Variants in MAGI2 observed in about 807,000 individuals in gnomAD.
The protein encoded by MAGI2 is membrane-associated guanylate kinase, WW and PDZ domain-containing protein 2.
In MAGI2, 35 loss-of-function variants were observed where a neutral mutation model predicts 133.3. That is an observed-to-expected ratio of 0.26 (90% CI 0.20 to 0.35). MAGI2 has a LOEUF of 0.35. MAGI2 is among the 10% of genes least tolerant of loss of function. The probability of loss-of-function intolerance (pLI) is 1.00; values close to 1 mark genes in which losing one functional copy is unlikely to be tolerated. For missense variants in MAGI2, 1,636 were observed against 1,863.4 expected, an observed-to-expected ratio of 0.88 and a Z score of 2.25; for synonymous variants, 729 against 710.6, an observed-to-expected ratio of 1.03 and a Z score of -0.41.
At chr7:79,327,571 G>A (rs530313602) in intron 1 of MAGI2, among the ~76,000 whole-genome samples, 6 of 152,242 alleles carry the variant, frequency 3.9e-5, no homozygotes, top group African/African-American at 1.4e-4. Context: ...GTTACATAAT[G>A]ATACAAAGGC....
intron 2 of MAGI2, among the ~76,000 whole-genome samples, chr7:78,655,124 C>CA (rs1563304252): frequency 6.6e-6 from 1 of 151,262 alleles, no homozygotes; most frequent in East Asian, 1.9e-4. Flanking sequence ...TCTGTGCCCA[C>CA]AAAAATTAAA....
At chr7:79,058,871 T>C (rs1479645574) in intron 1 of MAGI2, among the ~76,000 whole-genome samples, 2 of 152,102 alleles carry the variant, frequency 1.3e-5, no homozygotes, top group Non-Finnish European at 2.9e-5. Flanking sequence ...TTACTTTTCC[T>C]CTCTAATCTT....
intron 1 of MAGI2, among the ~76,000 whole-genome samples, chr7:79,231,970 C>T (rs887090502): frequency 3.9e-5 from 6 of 152,156 alleles, no homozygotes; most frequent in African/African-American, 1.2e-4. Flanking sequence ...TACGTCCCAT[C>T]GATACCTAAT....
intron 2 of MAGI2, among the ~76,000 whole-genome samples, chr7:78,817,824 C>T (rs1319269773): frequency 1.3e-5 from 2 of 151,896 alleles, no homozygotes; most frequent in African/African-American, 4.8e-5. Flanking sequence ...ATTCTCCTGC[C>T]TCAGCCTCCC....
chr7:78,418,435 A>G (rs907929342), intron 6 of MAGI2, among the ~76,000 whole-genome samples: 1 of 152,144 alleles, frequency 6.6e-6, no homozygotes, highest in African/African-American at 2.4e-5. Context: ...AAAGGAGAAC[A>G]GTGGTAAGGG....
At chr7:78,574,938 T>A (rs1028816824) in intron 3 of MAGI2, among the ~76,000 whole-genome samples, 5 of 152,202 alleles carry the variant, frequency 3.3e-5, no homozygotes, top group African/African-American at 1.2e-4. Flanking sequence ...AGACCATGCT[T>A]AAATTCCACT....
intron 2 of MAGI2, among the ~76,000 whole-genome samples, chr7:78,957,002 G>T (rs540808409): frequency 6.6e-6 from 1 of 151,968 alleles, no homozygotes; most frequent in Non-Finnish European, 1.5e-5. Context: ...GGTAGCTCAC[G>T]CCTGTAATCC....
chr7:79,137,551 CA>C (rs1821702878), intron 1 of MAGI2, among the ~76,000 whole-genome samples: 1 of 150,020 alleles, frequency 6.7e-6, no homozygotes. Flanking sequence ...CTCCCAGGTT[CA>C]AGTGATTCTC....
chr7:78,741,245 G>T (rs1436261757), intron 2 of MAGI2, among the ~76,000 whole-genome samples: 1 of 151,906 alleles, frequency 6.6e-6, no homozygotes, highest in African/African-American at 2.4e-5. Context: ...TTTCAAACAG[G>T]TTTAAATACT....
chr7:78,025,901 A>T (rs965166400), intron 21 of MAGI2, among the ~76,000 whole-genome samples: 1 of 152,206 alleles, frequency 6.6e-6, no homozygotes, highest in African/African-American at 2.4e-5. Flanking sequence ...ATGAGCTCTA[A>T]TGATGCAGTA....
chr7:78,694,702 T>G (rs1047279298), intron 2 of MAGI2, among the ~76,000 whole-genome samples: 3 of 152,144 alleles, frequency 2.0e-5, no homozygotes, highest in Non-Finnish European at 4.4e-5. Context: ...AATCCCAGAT[T>G]TGTCATTTAC....
chr7:78,340,718 T>A (rs1445716383), intron 9 of MAGI2, among the ~76,000 whole-genome samples: 1 of 152,116 alleles, frequency 6.6e-6, no homozygotes, highest in Non-Finnish European at 1.5e-5. Flanking sequence ...CATGATTATC[T>A]CAAAAGATGC....
At chr7:78,038,749 A>G (rs1810499577) in intron 21 of MAGI2, among the ~76,000 whole-genome samples, 1 of 152,266 alleles carries the variant, frequency 6.6e-6, no homozygotes, top group Non-Finnish European at 1.5e-5. Flanking sequence ...AAGAGCTTCA[A>G]CCAGGACACT....
chr7:78,588,152 G>A (rs1417736999), intron 3 of MAGI2, among the ~76,000 whole-genome samples: 1 of 152,134 alleles, frequency 6.6e-6, no homozygotes, highest in Non-Finnish European at 1.5e-5. Flanking sequence ...CCCAGAATAG[G>A]TGCTTGTTCA....
chr7:79,138,213 A>AT (rs926926539), intron 1 of MAGI2, among the ~76,000 whole-genome samples: 2 of 151,980 alleles, frequency 1.3e-5, no homozygotes, highest in African/African-American at 4.8e-5. Flanking sequence ...ATTTGTGGTA[A>AT]TTTTTTTTCA....
intron 2 of MAGI2, among the ~76,000 whole-genome samples, chr7:78,870,273 G>A (rs777507816): frequency 6.6e-6 from 1 of 151,382 alleles, no homozygotes; most frequent in Non-Finnish European, 1.5e-5. Flanking sequence ...CCTGAACCAG[G>A]GATATTGAGG....
intron 1 of MAGI2, among the ~76,000 whole-genome samples, chr7:79,136,048 G>GGAAAGAAAGAAA (rs1397100255): frequency 6.0e-4 from 39 of 64,512 alleles, no homozygotes; most frequent in African/African-American, 2.2e-3. Context: ...AAAGAAAGAA[G>GGAAAGAAAGAAA]GAAAGAAAGA....
At chr7:78,998,692 G>T (rs536369847) in intron 2 of MAGI2, among the ~76,000 whole-genome samples, 1 of 152,102 alleles carries the variant, frequency 6.6e-6, no homozygotes, top group Admixed American at 6.6e-5. Flanking sequence ...TTGGCTAGGC[G>T]CATTTAAATC....
intron 21 of MAGI2, among the ~76,000 whole-genome samples, chr7:78,045,027 C>T (rs1811279656): frequency 6.6e-6 from 1 of 152,050 alleles, no homozygotes; most frequent in Admixed American, 6.6e-5. Context: ...ATTAGTCGGG[C>T]GTGGTGGCAC....
Sources: allele counts gnomAD v4.1 joint callset (sites outside exome capture counted in the v4.1 genomes callset), GRCh38; gene constraint gnomAD v4.1.1; transcripts MANE v1.5; gene names NCBI Gene and HGNC (gene_info 2026-07-23, HGNC 2026-07-21).